DMRT1: variants seen among roughly 807,000 people sequenced by gnomAD.
DMRT1 encodes doublesex and mab-3 related transcription factor 1.
Under a neutral mutation model 32.3 loss-of-function variants are expected in DMRT1, and 7 were observed. The observed-to-expected ratio is 0.22, with a 90% CI of 0.12 to 0.41. DMRT1 has a LOEUF of 0.41. Among genes scored for constraint, DMRT1 ranks in the 10% least tolerant of loss-of-function variants. DMRT1 has a pLI of 1.00. For missense variants in DMRT1, 625 were observed against 500.5 expected (o/e 1.25, Z -2.37); for synonymous variants, 278 against 206.1 (o/e 1.35, Z -2.99).
At chr9:916,735 A>G in intron 3 of DMRT1, 28 bp from the exon 4 acceptor site, 1 of 1,613,180 alleles carries the variant, frequency 6.2e-7, no homozygotes, top group South Asian at 1.1e-5. Context: ...TGTTGATCTC[A>G]GTATATTTCT....
intron 3 of DMRT1, among the ~76,000 whole-genome samples, chr9:907,905 C>A (rs540618393): frequency 1.2e-4 from 18 of 151,926 alleles, no homozygotes; most frequent in African/African-American, 3.1e-4. Context: ...TATTTGAGGG[C>A]CCTATAAAAG....
chr9:886,415 C>T (rs72699254), intron 2 of DMRT1, among the ~76,000 whole-genome samples: 97 of 152,232 alleles, frequency 6.4e-4, no homozygotes, highest in African/African-American at 2.1e-3. Context: ...GCCAGATACA[C>T]GCCCGGCTAG....
intron 2 of DMRT1, 47 bp downstream of exon 2, chr9:847,190 G>T: frequency 6.3e-7 from 1 of 1,594,406 alleles, no homozygotes; most frequent in Non-Finnish European, 8.6e-7. Context: ...GCATGAGGGA[G>T]GCCGAAGGGT....
chr9:851,022 C>T (rs1238651331), intron 2 of DMRT1, among the ~76,000 whole-genome samples: 1 of 90,822 alleles, frequency 1.1e-5, no homozygotes, highest in Non-Finnish European at 2.1e-5. Context: ...GGGTGAGACT[C>T]TATCTCAAAA....
At chr9:908,268 C>T (rs1347280552) in intron 3 of DMRT1, among the ~76,000 whole-genome samples, 2 of 151,974 alleles carry the variant, frequency 1.3e-5, no homozygotes, top group Non-Finnish European at 2.9e-5. Context: ...CCAGCCTGGG[C>T]AACATAGTGG....
Position 847,099 on chromosome 9 carries a change from C to A in DMRT1, c.494C>A (p.Thr165Asn), listed in dbSNP as rs773209056. ...TGCCTCATGACTGAGTGCAGTGGCA[C>A]CTCTCAGCCACCGCCGGCCAGTGTC... ...NPCLMTECSG[T>N]SQPPPASVPT... is the part of the protein sequence containing the mutation. Residue 165 changes from threonine to asparagine, a missense_variant, in exon 2 of 5, where the codon ACC (threonine) becomes AAC (asparagine). This residue lies in a region of DMRT1 where 416 missense variants were observed against 321.6 expected (regional missense o/e 1.29). Coordinates refer to ENST00000382276, the MANE Select transcript of DMRT1 (RefSeq NM_021951.3). The A allele has an allele frequency of 6.2e-7, 1 of 1,613,706 alleles. No homozygotes were observed. The highest frequency in any genetic ancestry group is 2.2e-5 in the East Asian group (1 of 44,874).
rs905545641 is a variant in DMRT1 at position 931,827 on chromosome 9, T to G, written c.967+14920T>G. Reference sequence around the variant, plus strand: ...ATTGGGAGCTAGGACTTCAGTAGTTTTAGCACAGAGACTACATTCAGTCAC... The same window carrying G: ...ATTGGGAGCTAGGACTTCAGTAGTTGTAGCACAGAGACTACATTCAGTCAC... On this transcript the variant is annotated intron_variant, in intron 4 of 4. Transcript: ENST00000382276. Among the ~76,000 whole-genome samples, 14 of 152,328 alleles carry G rather than the reference T, an allele frequency of 9.2e-5. No homozygotes were observed. In the East Asian group the frequency reaches 2.1e-3, roughly 23 times the overall value.
At chr9:889,828 A>T (rs1415951480) in intron 2 of DMRT1, among the ~76,000 whole-genome samples, 1 of 152,198 alleles carries the variant, frequency 6.6e-6, no homozygotes, top group Non-Finnish European at 1.5e-5. Flanking sequence ...GGAGGTATTC[A>T]GTGTTTTTAA....
chr9:941,804 T>C (rs1239364520), intron 4 of DMRT1, among the ~76,000 whole-genome samples: 5 of 152,238 alleles, frequency 3.3e-5, no homozygotes, highest in African/African-American at 1.2e-4. Context: ...ATAACATTAT[T>C]TTCTCTTTAT....
chr9:908,409 G>C (rs781680970), intron 3 of DMRT1, among the ~76,000 whole-genome samples: 6 of 152,116 alleles, frequency 3.9e-5, no homozygotes, highest in East Asian at 1.9e-4. Flanking sequence ...AGTGAGCTGC[G>C]ATCACACCAC....
intron 4 of DMRT1, among the ~76,000 whole-genome samples, chr9:941,757 A>G (rs1375233886): frequency 6.6e-6 from 1 of 152,208 alleles, no homozygotes; most frequent in Non-Finnish European, 1.5e-5. Flanking sequence ...TGGACATTTT[A>G]TTTATATCAA....
chr9:888,538 G>T (rs948998343), intron 2 of DMRT1, among the ~76,000 whole-genome samples: 1 of 152,118 alleles, frequency 6.6e-6, no homozygotes, highest in Non-Finnish European at 1.5e-5. Context: ...GGGCTCAAGT[G>T]AACCTTGTAC....
intron 4 of DMRT1, among the ~76,000 whole-genome samples, chr9:954,784 GGT>G (rs1819542819): frequency 2.0e-5 from 3 of 152,026 alleles, no homozygotes; most frequent in Admixed American, 2.0e-4. Flanking sequence ...TGGGATTACA[GGT>G]GCGTGCCACC....
At chr9:947,288 C>T (rs1272114611) in intron 4 of DMRT1, among the ~76,000 whole-genome samples, 3 of 152,226 alleles carry the variant, frequency 2.0e-5, no homozygotes, top group South Asian at 4.1e-4. Context: ...CATCAGTTGT[C>T]GTTAGTGTTA....
In DMRT1 at chr9:876,867, G is replaced by A. The variant is rs749096665; in HGVS notation, c.539-17045G>A. ...AGAATGTCTATCAGCCAGACTCCAC[G>A]GCTCCCTTTTCCCCTTCTGACACGG... On this transcript the variant is annotated intron_variant, in intron 2 of 4. Coordinates refer to ENST00000382276, the MANE Select transcript of DMRT1 (RefSeq NM_021951.3). Among the ~76,000 whole-genome samples the A allele has an allele frequency of 4.6e-4, 70 of 152,038 alleles. 1 individual carries two copies. Among genetic ancestry groups the A allele is most frequent in the Non-Finnish European group, 2.4e-4 (16 of 68,036 alleles).
intron 2 of DMRT1, among the ~76,000 whole-genome samples, chr9:852,226 C>T (rs1210469628): frequency 2.0e-5 from 3 of 151,390 alleles, no homozygotes; most frequent in African/African-American, 2.4e-5. Context: ...TGTGAGCTAC[C>T]GTGCCTGGCC....
chr9:938,880 A>G (rs538362851), intron 4 of DMRT1, among the ~76,000 whole-genome samples: 2 of 152,332 alleles, frequency 1.3e-5, no homozygotes, highest in South Asian at 2.1e-4. Context: ...GGTTTTTCAT[A>G]TACGACCGTG....
intron 4 of DMRT1, among the ~76,000 whole-genome samples, chr9:928,298 C>T (rs1190714564): frequency 6.6e-6 from 1 of 152,304 alleles, no homozygotes; most frequent in East Asian, 1.9e-4. Context: ...TTTTAAAATT[C>T]TCTGTTAAGT....
chr9:920,506 A>G (rs1289191429), intron 4 of DMRT1, among the ~76,000 whole-genome samples: 2 of 152,170 alleles, frequency 1.3e-5, no homozygotes, highest in African/African-American at 4.8e-5. Flanking sequence ...CTGAGTGGTC[A>G]CTTTGGTGGG....
Sources: gnomAD v4.1 joint callset for allele counts (sites outside exome capture counted in the v4.1 genomes callset) on GRCh38, gnomAD v4.1.1 for gene constraint, gnomAD v4.1.1 regional missense constraint, MANE v1.5 for transcripts, NCBI Gene and HGNC (gene_info 2026-07-23, HGNC 2026-07-21) for gene names.